ESYT3: variants seen among roughly 807,000 people sequenced by gnomAD.
ESYT3 encodes the protein extended synaptotagmin-3.
Under a neutral mutation model 111.5 loss-of-function variants are expected in ESYT3, and 101 were observed. The ratio of observed to expected loss-of-function variants is 0.91; its 90% CI spans 0.77 to 1.07. The LOEUF is 1.07. Ranked by LOEUF, ESYT3 falls within the 50% of genes least tolerant of loss-of-function variation. The pLI is 0.00. For missense variants in ESYT3, 1,097 were observed against 1,109.4 expected (o/e 0.99, Z 0.16); for synonymous variants, 416 against 446.8 (o/e 0.93, Z 0.87).
intron 3 of ESYT3, 71 bp from the exon 4 acceptor site, chr3:138,457,497 C>CG (rs1560226128): frequency 6.5e-6 from 9 of 1,380,686 alleles, no homozygotes; most frequent in African/African-American, 1.4e-5. Context: ...AGCCCAGTGC[C>CG]GGGGGGAGAG....
chr3:138,471,463 A>G (rs1258016919), intron 17 of ESYT3, among the ~76,000 whole-genome samples: 5 of 152,046 alleles, frequency 3.3e-5, no homozygotes, highest in Admixed American at 6.5e-5. Context: ...ATCTTTTCCA[A>G]ATCTATTTGG....
intron 10 of ESYT3, among the ~76,000 whole-genome samples, chr3:138,465,809 G>T (rs1040427858): frequency 6.6e-6 from 1 of 152,148 alleles, no homozygotes; most frequent in Non-Finnish European, 1.5e-5. Context: ...CCCTTCAGGG[G>T]TATGAGAGGA....
chr3:138,452,777 A>C (rs954559437), intron 2 of ESYT3, among the ~76,000 whole-genome samples: 8 of 152,194 alleles, frequency 5.3e-5, no homozygotes, highest in Admixed American at 3.9e-4. Context: ...TGACTGAGGA[A>C]TGTTTCTAAT....
downstream of ESYT3, chr3:138,481,587 C>G (rs552612321): frequency 6.6e-6 from 1 of 151,710 alleles, no homozygotes; most frequent in Admixed American, 6.6e-5. Flanking sequence ...AAGATGGTCT[C>G]GATCTCCTGA....
intron 12 of ESYT3, 84 bp downstream of exon 12, chr3:138,468,278 AGAT>A (rs1178189205): frequency 7.8e-7 from 1 of 1,280,828 alleles, no homozygotes; most frequent in African/African-American, 1.5e-5. Flanking sequence ...GAAGGGTGGG[AGAT>A]GATGCCCCCT....
chr3:138,476,785 C>T (rs2033503413), intron 22 of ESYT3, 33 bp from the exon 23 acceptor site: 16 of 1,609,582 alleles, frequency 9.9e-6, no homozygotes, highest in Non-Finnish European at 1.4e-5. Flanking sequence ...ACTGTCATTA[C>T]TAACGTTAAG....
intron 15 of ESYT3, 133 bp from the exon 16 acceptor site, chr3:138,469,927 G>C: frequency 3.1e-6 from 2 of 646,994 alleles, no homozygotes; most frequent in Non-Finnish European, 5.2e-6. Flanking sequence ...GCTGTAGCGT[G>C]TTTGGGTCTG....
intron 1 of ESYT3, among the ~76,000 whole-genome samples, chr3:138,449,849 A>G (rs1486795944): frequency 1.3e-5 from 2 of 152,220 alleles, no homozygotes; most frequent in Non-Finnish European, 2.9e-5. Flanking sequence ...TGCTTCATTC[A>G]TTCATTCCAC....
At chr3:138,474,620 A>C (rs1449808990) in intron 20 of ESYT3, 1 of 291,644 alleles carries the variant, frequency 3.4e-6, no homozygotes, top group Non-Finnish European at 6.3e-6. Flanking sequence ...GTTTAAATGA[A>C]GTCTCTCTGG....
intron 1 of ESYT3, among the ~76,000 whole-genome samples, chr3:138,448,287 A>T (rs1356590776): frequency 2.0e-5 from 3 of 150,622 alleles, no homozygotes; most frequent in South Asian, 2.1e-4. Flanking sequence ...AAAAAAAAAA[A>T]AAAAAATGCA....
At chr3:138,438,241 G>T (rs1455657885) in intron 1 of ESYT3, among the ~76,000 whole-genome samples, 5 of 152,140 alleles carry the variant, frequency 3.3e-5, no homozygotes, top group African/African-American at 7.2e-5. Flanking sequence ...GACCTCCTTT[G>T]GTATCAAGAA....
At chr3:138,460,117 C>A in intron 6 of ESYT3, 83 bp downstream of exon 6, 2 of 1,242,912 alleles carry the variant, frequency 1.6e-6, no homozygotes, top group Non-Finnish European at 2.3e-6. Flanking sequence ...GGGTTTGAGT[C>A]CAAGAATGGA....
rs1221371943 is a variant in ESYT3 at position 138,434,897 on chromosome 3, C to G, written c.99C>G (p.Pro33=). The G allele has an allele frequency of 1.9e-6, 3 of 1,550,970 alleles. No homozygotes were observed. The highest frequency in any genetic ancestry group is 2.7e-5 in the African/African-American group (2 of 73,020). Residue 33 remains proline (P), a synonymous_variant, in exon 1 of 23, where the codon CCC becomes CCG. Transcript: ENST00000389567. ...TGCGCCTGTCCAGCCAGCTGCTGCC[C>G]GAGCTCTGTACCTTCGTGGTGCGCG... ...PELRLSSQLL[P]ELCTFVVRVL...
In ESYT3 at chr3:138,472,344, C is replaced by T; in HGVS notation, c.1741-19C>T. ...AAGTGGTGACTCAGCTCATAAGCCA[C>T]CCTCTTATCTGCTTGCAGTTCCTGC... On this transcript the variant is annotated intron_variant, in intron 17 of 22. Coordinates refer to ENST00000389567, the MANE Select transcript of ESYT3 (RefSeq NM_031913.5). The T allele has an allele frequency of 6.2e-7, 1 of 1,609,630 alleles. No homozygotes were observed. The highest frequency in any genetic ancestry group is 2.2e-5 in the East Asian group (1 of 44,850).
At chr3:138,464,748 CAA>C (rs1203880331) in intron 9 of ESYT3, among the ~76,000 whole-genome samples, 1 of 152,184 alleles carries the variant, frequency 6.6e-6, no homozygotes, top group Admixed American at 6.5e-5. Context: ...GTTAACAAAT[CAA>C]AGAGAAAGAG....
chr3:138,457,661 T>C lies in ESYT3; in HGVS notation c.581+17T>C, dbSNP rs750503163. On this transcript the variant is annotated intron_variant, in intron 4 of 22. Coordinates refer to ENST00000389567, the MANE Select transcript of ESYT3 (RefSeq NM_031913.5). ...GCAGATCTGGTGAGCTCTATCGGGC[T>C]GGGTATGGGCTTCGGGGTGCAGGGG... 7.4e-6 allele frequency: 12 copies of C among 1,613,686 alleles called. No individual in the cohort carries two copies. Among genetic ancestry groups the C allele is most frequent in the Admixed American group, 5.0e-5 (3 of 59,994 alleles).
chr3:138,449,350 C>T (rs1011440876), intron 1 of ESYT3, among the ~76,000 whole-genome samples: 2 of 151,958 alleles, frequency 1.3e-5, no homozygotes, highest in Non-Finnish European at 2.9e-5. Flanking sequence ...CCTCCCAAAG[C>T]GCTGGGATTA....
At chr3:138,445,261 A>T (rs1371294352) in intron 1 of ESYT3, among the ~76,000 whole-genome samples, 1 of 152,240 alleles carries the variant, frequency 6.6e-6, no homozygotes, top group Non-Finnish European at 1.5e-5. Flanking sequence ...TTTAGGGCTC[A>T]GTTCAGTGTG....
chr3:138,476,003 A>G (rs988486762), intron 20 of ESYT3, among the ~76,000 whole-genome samples: 1 of 152,216 alleles, frequency 6.6e-6, no homozygotes, highest in African/African-American at 2.4e-5. Context: ...AGGCACTTCT[A>G]GGCAAACAGC....
Sources: gnomAD v4.1 joint callset for allele counts (sites outside exome capture counted in the v4.1 genomes callset) on GRCh38, gnomAD v4.1.1 for gene constraint, MANE v1.5 for transcripts, NCBI Gene and HGNC (gene_info 2026-07-23, HGNC 2026-07-21) for gene names.